Variants in CTNND2 observed in about 807,000 individuals in gnomAD.
CTNND2 encodes catenin delta 2.
A neutral mutation model predicts 144.4 loss-of-function variants in CTNND2; 22 were observed. That is an observed-to-expected ratio of 0.15 (90% confidence interval 0.11 to 0.22). The LOEUF (loss-of-function observed/expected upper bound fraction) is 0.22. Among genes scored for constraint, CTNND2 ranks in the 10% least tolerant of loss-of-function variants. CTNND2 has a pLI of 1.00. For synonymous variants in CTNND2, 751 were observed against 695.6 expected (o/e 1.08, Z -1.25); for missense variants, 1,353 against 1,618.8 (o/e 0.84, Z 2.82).
intron 1 of CTNND2, among the ~76,000 whole-genome samples, chr5:11,784,479 C>A (rs1348907659): frequency 6.6e-6 from 1 of 152,170 alleles, no homozygotes; most frequent in Non-Finnish European, 1.5e-5. Context: ...ATTATCCTCT[C>A]ATCCACAGAT....
intron 16 of CTNND2, among the ~76,000 whole-genome samples, chr5:11,023,429 C>T (rs1742503158): frequency 6.6e-6 from 1 of 152,190 alleles, no homozygotes; most frequent in African/African-American, 2.4e-5. Context: ...TCTAACATAA[C>T]CCTCAAAAAT....
intron 3 of CTNND2, among the ~76,000 whole-genome samples, chr5:11,560,844 GTGGGGAAGGATCCTTCACAGACATGGTTC>G (rs1345072988): frequency 6.6e-6 from 1 of 152,248 alleles, no homozygotes; most frequent in Non-Finnish European, 1.5e-5. Flanking sequence ...AACTGCAGAA[GTGGGGAAGGATCCTTCACAGACATGGTTC>G]TGGTTTATGT....
intron 2 of CTNND2, among the ~76,000 whole-genome samples, chr5:11,570,809 C>A (rs1266626361): frequency 2.0e-5 from 3 of 151,988 alleles, no homozygotes. Flanking sequence ...CTAAGCAATT[C>A]TTTTGAAAAT....
intron 1 of CTNND2, among the ~76,000 whole-genome samples, chr5:11,874,707 T>C (rs1056039494): frequency 6.6e-6 from 1 of 152,208 alleles, no homozygotes; most frequent in African/African-American, 2.4e-5. Context: ...TTAAAACTTA[T>C]GAATTGCTTA....
intron 16 of CTNND2, among the ~76,000 whole-genome samples, chr5:11,041,273 T>A (rs910385831): frequency 1.3e-5 from 2 of 152,244 alleles, no homozygotes; most frequent in African/African-American, 4.8e-5. Flanking sequence ...TGACATTATG[T>A]AGTGTTCTAA....
chr5:11,116,252 CT>C (rs1358808288), intron 13 of CTNND2, among the ~76,000 whole-genome samples: 5 of 152,178 alleles, frequency 3.3e-5, no homozygotes, highest in African/African-American at 1.2e-4. Flanking sequence ...ATTTTGCTCC[CT>C]GCAGGACATG....
chr5:11,740,637 C>T (rs938642408), intron 1 of CTNND2, among the ~76,000 whole-genome samples: 2 of 152,176 alleles, frequency 1.3e-5, no homozygotes, highest in African/African-American at 4.8e-5. Context: ...TGGGCAAAGA[C>T]TTCATGACTA....
chr5:11,153,225 G>A (rs932209698), intron 12 of CTNND2, among the ~76,000 whole-genome samples: 14 of 152,034 alleles, frequency 9.2e-5, no homozygotes, highest in African/African-American at 2.7e-4. Context: ...TCATGCCACT[G>A]CACTCTAGCC....
chr5:11,728,355 G>C (rs1787138281), intron 2 of CTNND2, among the ~76,000 whole-genome samples: 1 of 151,758 alleles, frequency 6.6e-6, no homozygotes, highest in Admixed American at 6.6e-5. Context: ...TGTAATCCCA[G>C]CTATTCAGGA....
chr5:11,201,271 T>C (rs1264814257), intron 10 of CTNND2, among the ~76,000 whole-genome samples: 1 of 152,210 alleles, frequency 6.6e-6, no homozygotes, highest in Non-Finnish European at 1.5e-5. Flanking sequence ...GTTCAGGAAA[T>C]ATTTGTCAAA....
chr5:11,630,023 T>C (rs1781339165), intron 2 of CTNND2, among the ~76,000 whole-genome samples: 1 of 152,208 alleles, frequency 6.6e-6, no homozygotes, highest in African/African-American at 2.4e-5. Context: ...ATATGTTTCT[T>C]AAATGTTCCA....
intron 3 of CTNND2, among the ~76,000 whole-genome samples, chr5:11,442,396 T>C (rs1197555799): frequency 6.6e-6 from 1 of 152,178 alleles, no homozygotes; most frequent in Non-Finnish European, 1.5e-5. Flanking sequence ...AGTGGTTCAG[T>C]ATTATGAAAA....
intron 19 of CTNND2, among the ~76,000 whole-genome samples, chr5:10,992,202 G>A (rs1738758906): frequency 6.6e-6 from 1 of 152,202 alleles, no homozygotes; most frequent in African/African-American, 2.4e-5. Flanking sequence ...ACAGGCATGA[G>A]CCACCTCGCC....
At position 11,511,621 on chromosome 5, in the gene CTNND2, T is replaced by C. The variant is rs561808722; in HGVS notation, c.287+53323A>G. Among the ~76,000 whole-genome samples the C allele has an allele frequency of 2.0e-5, 3 of 152,318 alleles. No individual in the cohort carries two copies. In the South Asian group the frequency reaches 6.2e-4, roughly 32 times the overall value. The stretch of plus-strand genomic sequence containing the variant: ...CATGCATCTTATCCCAAATAATTAT[T>C]ATTTTTTTATTTTATCCTACCTGCT... On this transcript the variant is annotated intron_variant, in intron 3 of 21. Transcript: ENST00000304623.
chr5:11,284,532 T>A (rs561788151), intron 9 of CTNND2, among the ~76,000 whole-genome samples: 2 of 152,168 alleles, frequency 1.3e-5, no homozygotes, highest in Non-Finnish European at 2.9e-5. Flanking sequence ...TCTGTTCCTG[T>A]GTTAATTTGC....
chr5:11,335,021 C>T (rs570678961), intron 9 of CTNND2, among the ~76,000 whole-genome samples: 2 of 152,290 alleles, frequency 1.3e-5, no homozygotes, highest in African/African-American at 2.4e-5. Flanking sequence ...CCACTGGTAT[C>T]TTCTTCTCTT....
chr5:11,763,429 G>A (rs1435096274), intron 1 of CTNND2, among the ~76,000 whole-genome samples: 1 of 152,142 alleles, frequency 6.6e-6, no homozygotes, highest in Non-Finnish European at 1.5e-5. Flanking sequence ...AAAAACTCCT[G>A]TAGGTCATTT....
chr5:11,180,048 T>C (rs775832058), intron 11 of CTNND2, among the ~76,000 whole-genome samples: 13 of 152,164 alleles, frequency 8.5e-5, no homozygotes, highest in Non-Finnish European at 1.5e-4. Context: ...GTTGATATGG[T>C]TTGCTCTGGG....
intron 1 of CTNND2, among the ~76,000 whole-genome samples, chr5:11,851,905 A>T (rs1459716240): frequency 6.6e-6 from 1 of 152,352 alleles, no homozygotes; most frequent in South Asian, 2.1e-4. Context: ...TTTCTAGAAA[A>T]GGCAAATAAA....
Sources: allele counts gnomAD v4.1 joint callset (sites outside exome capture counted in the v4.1 genomes callset), GRCh38; gene constraint gnomAD v4.1.1; transcripts MANE v1.5; gene names NCBI Gene and HGNC (gene_info 2026-07-23, HGNC 2026-07-21).